NCAM1: variants seen among roughly 807,000 people sequenced by gnomAD.
The protein encoded by NCAM1 is neural cell adhesion molecule 1.
In NCAM1, 14 loss-of-function variants were observed where a neutral mutation model predicts 109.8. That is an observed-to-expected ratio of 0.13 (90% CI 0.08 to 0.20). The LOEUF (loss-of-function observed/expected upper bound fraction) is 0.20, where lower values mean the gene tolerates loss of function less well. Among genes scored for constraint, NCAM1 ranks in the 10% least tolerant of loss-of-function variants. The pLI is 1.00. For missense variants in NCAM1, 774 were observed against 1,109.9 expected, an observed-to-expected ratio of 0.70 and a Z score of 4.30; for synonymous variants, 418 against 442.9, an observed-to-expected ratio of 0.94 and a Z score of 0.70.
chr11:113,235,089 G>T lies in NCAM1; in HGVS notation c.1750G>T (p.Val584Leu), dbSNP rs375525449. Residue 584 changes from valine to leucine, a missense_variant, in exon 14 of 20, where the codon GTA (valine) becomes TTA (leucine). By Grantham distance (32) the Val-to-Leu change is conservative. Coordinates refer to ENST00000316851, the MANE Select transcript of NCAM1 (RefSeq NM_181351.5). ...CCTGAAGCCCGAAACAACGTACGCC[G>T]TAAGGCTGGCGGCGCTCAATGGCAA... ...VGLKPETTYAVRLAALNGKGL... is the reference protein window; with the variant it reads ...VGLKPETTYALRLAALNGKGL... 6.2e-7 allele frequency: 1 copy of T among 1,600,060 alleles called. No homozygotes were observed. The highest frequency in any genetic ancestry group is 8.5e-7 in the Non-Finnish European group (1 of 1,173,180).
At position 112,961,569 on chromosome 11, in the gene NCAM1, G is replaced by T. The variant is rs1555062903; in HGVS notation, c.-44G>T. On this transcript the variant is annotated 5_prime_UTR_variant, in exon 1 of 20. Transcript: ENST00000316851. ...CACTCGCTGCAGGGGGGGGGGCACAGAATTTACCGCGGCAAGAACATCCCT... is the reference window on the plus strand; with the variant it reads ...CACTCGCTGCAGGGGGGGGGGCACATAATTTACCGCGGCAAGAACATCCCT... 5 of 1,281,492 alleles carry T rather than the reference G, an allele frequency of 3.9e-6. No individual in the cohort carries two copies. Among genetic ancestry groups the T allele is most frequent in the African/African-American group, 1.5e-5 (1 of 68,136 alleles). 79.4% of individuals were successfully genotyped at this position (1,281,492 alleles called of 1,614,324 possible).
rs142702349 is a variant in NCAM1 at position 113,169,816 on chromosome 11, G to A, written c.53-32563G>A. On this transcript the variant is annotated intron_variant, in intron 1 of 19. Coordinates refer to ENST00000316851, the MANE Select transcript of NCAM1 (RefSeq NM_181351.5). Reference sequence around the variant, plus strand: ...TAATTTTTGTACTTTTAGTAAAGACGGGGTTTCGCCATGTTGGTCAGGCTG... The same window carrying A: ...TAATTTTTGTACTTTTAGTAAAGACAGGGTTTCGCCATGTTGGTCAGGCTG... 8.6e-3 allele frequency among the ~76,000 whole-genome samples: 1,302 copies of A among 152,090 alleles called. 13 individuals carry two copies. The highest frequency in any genetic ancestry group is 0.029 in the African/African-American group (1,224 of 41,500).
intron 1 of NCAM1, among the ~76,000 whole-genome samples, chr11:113,045,807 T>G (rs181114143): frequency 3.9e-5 from 6 of 152,180 alleles, no homozygotes; most frequent in Non-Finnish European, 7.4e-5. Flanking sequence ...GTGAGTGAAG[T>G]GGCTCAACTC....
chr11:113,052,515 T>C (rs1338760726), intron 1 of NCAM1, among the ~76,000 whole-genome samples: 5 of 148,522 alleles, frequency 3.4e-5, no homozygotes, highest in African/African-American at 9.8e-5. Flanking sequence ...GGGGAAACCA[T>C]GAGTACATAA....
intron 1 of NCAM1, among the ~76,000 whole-genome samples, chr11:113,162,706 C>G (rs782262429): frequency 6.6e-6 from 1 of 151,896 alleles, no homozygotes; most frequent in African/African-American, 2.4e-5. Flanking sequence ...TTGTCTCCAC[C>G]AGGAATGTTA....
intron 1 of NCAM1, among the ~76,000 whole-genome samples, chr11:113,137,599 T>C (rs188787939): frequency 6.6e-6 from 1 of 152,244 alleles, no homozygotes; most frequent in African/African-American, 2.4e-5. Context: ...AGACTGATTT[T>C]GGCAAAACTC....
intron 1 of NCAM1, among the ~76,000 whole-genome samples, chr11:112,967,012 C>G (rs1950745348): frequency 6.6e-6 from 1 of 152,194 alleles, no homozygotes; most frequent in African/African-American, 2.4e-5. Context: ...ATTCTATTTT[C>G]TTCCATATAT....
At position 113,205,515 on chromosome 11, in the gene NCAM1, T is replaced by C. The variant is rs1555112699; in HGVS notation, c.347-8T>C. On this transcript the variant is annotated splice_polypyrimidine_tract_variant and splice_region_variant and intron_variant, in intron 3 of 19. Transcript: ENST00000316851. ...CTGTTTTCCCTCACTCTTCTGTTCATCTTCCAGAGAAGCTCATGTTCAAGA... is the reference window on the plus strand; with the variant it reads ...CTGTTTTCCCTCACTCTTCTGTTCACCTTCCAGAGAAGCTCATGTTCAAGA... The C allele has an allele frequency of 2.5e-6, 4 of 1,609,392 alleles. No individual in the cohort carries two copies. In the South Asian group the frequency reaches 4.4e-5, roughly 18 times the overall value.
At chr11:113,237,557 G>A (rs1945200636) in intron 14 of NCAM1, among the ~76,000 whole-genome samples, 1 of 152,180 alleles carries the variant, frequency 6.6e-6, no homozygotes, top group Admixed American at 6.5e-5. Flanking sequence ...CTGCAGCTAT[G>A]CCCTAAGCAA....
At chr11:113,018,826 G>T (rs1952290994) in intron 1 of NCAM1, among the ~76,000 whole-genome samples, 1 of 151,906 alleles carries the variant, frequency 6.6e-6, no homozygotes. Context: ...ATTGCTAGGT[G>T]GTTTAGTTTT....
rs1338928711 is a variant in NCAM1, at chr11:113,278,197, AG to A, written c.*2812del. On this transcript the variant is annotated 3_prime_UTR_variant, in exon 20 of 20. Transcript: ENST00000316851. ...TTTTCTATGGAGCCTTCCGAGTCCC[AG>A]GTTTTCACTTGAGGCTGTCTGTCTG... 2.0e-5 allele frequency: 3 copies of A among 152,206 alleles called. No homozygotes were observed. The highest frequency in any genetic ancestry group is 7.2e-5 in the African/African-American group (3 of 41,444). 9.4% of individuals were successfully genotyped at this position (152,206 alleles called of 1,614,324 possible). A position where few individuals can be genotyped will look rare whatever the true frequency, so the allele number is the denominator to read the frequency against.
chr11:113,200,469 G>A (rs893822658), intron 1 of NCAM1, among the ~76,000 whole-genome samples: 7 of 152,190 alleles, frequency 4.6e-5, no homozygotes, highest in Non-Finnish European at 7.3e-5. Context: ...GTTCCCAGAT[G>A]GTGTGTTCTA....
At chr11:113,234,412 C>T (rs1314417948) in intron 13 of NCAM1, among the ~76,000 whole-genome samples, 1 of 152,178 alleles carries the variant, frequency 6.6e-6, no homozygotes, top group East Asian at 1.9e-4. Flanking sequence ...TCATCCCAAA[C>T]TGAAACTCTG....
intron 1 of NCAM1, among the ~76,000 whole-genome samples, chr11:113,000,190 T>G (rs1366619628): frequency 6.6e-6 from 1 of 152,194 alleles, no homozygotes; most frequent in Non-Finnish European, 1.5e-5. Flanking sequence ...ATTCTTTGAG[T>G]CTGTCTTATA....
chr11:112,979,263 A>G (rs890844339), intron 1 of NCAM1, among the ~76,000 whole-genome samples: 6 of 151,640 alleles, frequency 4.0e-5, no homozygotes, highest in Admixed American at 4.0e-4. Flanking sequence ...TGTAATTTTT[A>G]CCATTCAAAA....
At chr11:113,041,259 A>G (rs1555079938) in intron 1 of NCAM1, 1 of 152,204 alleles carries the variant, frequency 6.6e-6, no homozygotes, top group Non-Finnish European at 1.5e-5. Flanking sequence ...AAACCCATAC[A>G]CGCCTTTATG....
intron 1 of NCAM1, among the ~76,000 whole-genome samples, chr11:113,199,390 A>AC (rs1943962217): frequency 6.6e-6 from 1 of 152,060 alleles, no homozygotes; most frequent in Non-Finnish European, 1.5e-5. Flanking sequence ...CTATCATTAA[A>AC]CCTAGTATTT....
chr11:113,188,343 G>A (rs1019078665), intron 1 of NCAM1, among the ~76,000 whole-genome samples: 3 of 152,102 alleles, frequency 2.0e-5, no homozygotes, highest in Non-Finnish European at 4.4e-5. Context: ...TCACCCCCAG[G>A]ACTCCACATC....
chr11:112,970,575 G>C (rs1950851889), intron 1 of NCAM1, among the ~76,000 whole-genome samples: 1 of 152,162 alleles, frequency 6.6e-6, no homozygotes, highest in Non-Finnish European at 1.5e-5. Flanking sequence ...AACTAGCCAA[G>C]TGAATTTATA....
Sources: allele counts gnomAD v4.1 joint callset (sites outside exome capture counted in the v4.1 genomes callset), GRCh38; gene constraint gnomAD v4.1.1; transcripts MANE v1.5; gene names NCBI Gene and HGNC (gene_info 2026-07-23, HGNC 2026-07-21).